IMPG2: variants seen among roughly 807,000 people sequenced by gnomAD.
IMPG2 encodes the protein interphotoreceptor matrix proteoglycan 2, also known as IPM 200.
A neutral mutation model predicts 129.2 loss-of-function variants in IMPG2; 91 were observed. That is an observed-to-expected ratio of 0.70 (90% CI 0.59 to 0.84). The LOEUF is 0.84. IMPG2 is among the 40% of genes least tolerant of loss of function. IMPG2 has a pLI of 0.00. For missense variants in IMPG2, 1,430 were observed against 1,461.7 expected, an observed-to-expected ratio of 0.98 and a Z score of 0.35; for synonymous variants, 510 against 517.7, an observed-to-expected ratio of 0.99 and a Z score of 0.20.
intron 16 of IMPG2, 97 bp from the exon 17 acceptor site, chr3:101,229,687 G>A: frequency 9.4e-7 from 1 of 1,062,308 alleles, no homozygotes; most frequent in Non-Finnish European, 1.4e-6. Flanking sequence ...AAGAAAAACA[G>A]GTGCACTTTA....
At position 101,306,690 on chromosome 3, in the gene IMPG2, T is replaced by TTTCCC. The variant is rs1170818686; in HGVS notation, c.335-2379_335-2378insGGGAA. 1.2e-3 allele frequency among the ~76,000 whole-genome samples: 188 copies of TTTCCC among 152,252 alleles called. 1 individual carries two copies. Among genetic ancestry groups the TTTCCC allele is most frequent in the Non-Finnish European group, 1.3e-3 (85 of 67,988 alleles). ...ACAATGTTTGAAAAAAATAACTATC[T>TTTCCC]ACCCATAGGGAAAGAAAAAATAAAT... On this transcript the variant is annotated intron_variant, in intron 2 of 18. Coordinates refer to ENST00000193391, the MANE Select transcript of IMPG2 (RefSeq NM_016247.4).
At chr3:101,252,681 G>A (rs1194995405) in intron 11 of IMPG2, among the ~76,000 whole-genome samples, 1 of 152,124 alleles carries the variant, frequency 6.6e-6, no homozygotes, top group Non-Finnish European at 1.5e-5. Flanking sequence ...AACCTATTTT[G>A]TCTAATATGT....
Position 101,232,823 on chromosome 3 carries a change from T to A in IMPG2, c.3191A>T (p.Asp1064Val), listed in dbSNP as rs1199092086. 1.9e-6 allele frequency: 3 copies of A among 1,613,638 alleles called. No homozygotes were observed. In the South Asian group the frequency reaches 3.3e-5, roughly 18 times the overall value. ...CCCAGGCATAATGTCACACTTTCCA[T>A]CATTCAAGCAGAAGTCAGGCTGTAG... ...CDLQPDFCLN[D>V]GKCDIMPGHG... is the part of the protein sequence containing the mutation. The change falls in exon 15 of 19, where the codon GAT (aspartate) becomes GTT (valine). Residue 1064 changes from aspartate (D) to valine (V), a missense_variant. By Grantham distance (152) the Asp-to-Val change is radical. Coordinates refer to ENST00000193391, the MANE Select transcript of IMPG2 (RefSeq NM_016247.4).
Position 101,291,659 on chromosome 3 carries a change from A to C in IMPG2, c.502-149T>G, listed in dbSNP as rs141693004. The C allele has an allele frequency of 2.2e-3, 1,461 of 673,340 alleles. 4 individuals carry two copies. Among genetic ancestry groups the C allele is most frequent in the Non-Finnish European group, 3.0e-3 (1,113 of 369,660 alleles). The allele number at this position is 673,340 out of a possible 1,614,324, so 41.7% of individuals were successfully genotyped here. A position where few individuals can be genotyped will look rare whatever the true frequency, so the allele number is the denominator to read the frequency against. ...GTTAGACAAGTGATTAAAACAGGTA[A>C]TAATGATACCAAGTTTGTTTTGTGA... On this transcript the variant is annotated intron_variant, in intron 3 of 18. Transcript: ENST00000193391.
Position 101,267,539 on chromosome 3 carries a change from C to T in IMPG2, c.888-8G>A. On this transcript the variant is annotated splice_polypyrimidine_tract_variant and splice_region_variant and intron_variant, in intron 8 of 18. Coordinates refer to ENST00000193391, the MANE Select transcript of IMPG2 (RefSeq NM_016247.4). ...TCATTTTCCTTGGGGGACCTGAAAA[C>T]AAAAATTAAAAATATTAAACAGAGT... is the stretch of plus-strand genomic sequence containing the variant. 1 of 1,607,630 alleles carries T rather than the reference C, an allele frequency of 6.2e-7. No individual in the cohort carries two copies. The highest frequency in any genetic ancestry group is 8.5e-7 in the Non-Finnish European group (1 of 1,174,466).
At chr3:101,232,614 TAA>T (rs1166697041) in intron 15 of IMPG2, among the ~76,000 whole-genome samples, 165 bp downstream of exon 15, 2 of 152,052 alleles carry the variant, frequency 1.3e-5, no homozygotes, top group African/African-American at 4.8e-5. Flanking sequence ...TCAGGCCTGT[TAA>T]ACAACTCATC....
At position 101,243,672 on chromosome 3, in the gene IMPG2, C is replaced by T; in HGVS notation, c.2659G>A (p.Gly887Arg). ...GTCTGGGTATAACTCAAGTCATCTC[C>T]TCCTTCTGTGGGCCAAGCCACACTA... is the stretch of plus-strand genomic sequence containing the variant. ...MVSVAWPTEG[G>R]DDLSYTQTSG... Residue 887 changes from glycine to arginine, a missense_variant, in exon 13 of 19, where the codon GGA becomes AGA. Coordinates refer to ENST00000193391, the MANE Select transcript of IMPG2 (RefSeq NM_016247.4). 6.2e-7 allele frequency: 1 copy of T among 1,614,094 alleles called. No individual in the cohort carries two copies. Among genetic ancestry groups the T allele is most frequent in the Non-Finnish European group, 8.5e-7 (1 of 1,179,992 alleles).
chr3:101,255,573 G>A (rs981330719), intron 10 of IMPG2, among the ~76,000 whole-genome samples: 21 of 152,020 alleles, frequency 1.4e-4, no homozygotes, highest in African/African-American at 5.1e-4. Flanking sequence ...GCTCAATGTA[G>A]GTTCTTAACT....
chr3:101,245,480 C>T (rs1706466164), intron 12 of IMPG2, among the ~76,000 whole-genome samples: 1 of 152,116 alleles, frequency 6.6e-6, no homozygotes, highest in African/African-American at 2.4e-5. Context: ...TTGTTTATTA[C>T]TCCAATATTT....
intron 3 of IMPG2, among the ~76,000 whole-genome samples, chr3:101,299,269 T>C (rs998238009): frequency 1.5e-4 from 23 of 152,236 alleles, no homozygotes; most frequent in African/African-American, 5.3e-4. Flanking sequence ...TCTCAACTTG[T>C]TATTCTAGTT....
In IMPG2 at chr3:101,257,224, C is replaced by T. The variant is rs999341385; in HGVS notation, c.1153+305G>A. On this transcript the variant is annotated intron_variant, in intron 10 of 18. Coordinates refer to ENST00000193391, the MANE Select transcript of IMPG2 (RefSeq NM_016247.4). The stretch of plus-strand genomic sequence containing the variant: ...TCGGTTGTCAGGGAAGTATTATAGC[C>T]TGTTTCAATGCACACTTCCAAGTAC... Among the ~76,000 whole-genome samples the T allele has an allele frequency of 3.3e-5, 5 of 152,168 alleles. No individual in the cohort carries two copies. The South Asian group carries it at 8.3e-4, about 25-fold the overall frequency.
chr3:101,261,206 C>T (rs1025107462), intron 9 of IMPG2, among the ~76,000 whole-genome samples: 2 of 151,978 alleles, frequency 1.3e-5, no homozygotes, highest in Admixed American at 6.6e-5. Flanking sequence ...GTTTCTTTTT[C>T]GGATTTTTGC....
intron 4 of IMPG2, among the ~76,000 whole-genome samples, chr3:101,287,754 ATAT>A (rs1706963292): frequency 6.6e-6 from 1 of 152,168 alleles, no homozygotes; most frequent in Non-Finnish European, 1.5e-5. Context: ...AATTGATTAA[ATAT>A]TTAAATGTAA....
chr3:101,238,729 T>C (rs1370106435), intron 14 of IMPG2, among the ~76,000 whole-genome samples: 1 of 152,036 alleles, frequency 6.6e-6, no homozygotes, highest in African/African-American at 2.4e-5. Flanking sequence ...GCACTAAATA[T>C]GGAAAGGAAA....
At chr3:101,267,715 T>C (rs1240539450) in intron 8 of IMPG2, among the ~76,000 whole-genome samples, 184 bp from the exon 9 acceptor site, 1 of 152,216 alleles carries the variant, frequency 6.6e-6, no homozygotes, top group Non-Finnish European at 1.5e-5. Context: ...AGCATTTTAT[T>C]TTAAAACCAT....
At chr3:101,241,177 A>G (rs1172000469) in intron 14 of IMPG2, among the ~76,000 whole-genome samples, 1 of 152,232 alleles carries the variant, frequency 6.6e-6, no homozygotes, top group African/African-American at 2.4e-5. Context: ...ATGCACATAA[A>G]TTAACATTAT....
intron 9 of IMPG2, among the ~76,000 whole-genome samples, chr3:101,262,913 CA>C (rs1706685345): frequency 6.6e-6 from 1 of 151,484 alleles, no homozygotes; most frequent in African/African-American, 2.4e-5. Context: ...CATGCTCAGA[CA>C]AAACAGACTT....
intron 2 of IMPG2, among the ~76,000 whole-genome samples, chr3:101,314,014 A>G (rs2058770302): frequency 6.6e-6 from 1 of 152,118 alleles, no homozygotes; most frequent in Admixed American, 6.6e-5. Flanking sequence ...ATCCTTATAA[A>G]TAAATCTGAT....
At chr3:101,297,475 C>A (rs1707092973) in intron 3 of IMPG2, among the ~76,000 whole-genome samples, 1 of 151,964 alleles carries the variant, frequency 6.6e-6, no homozygotes, top group Non-Finnish European at 1.5e-5. Flanking sequence ...CTCTCTGGCT[C>A]TTTAATTGCG....
Sources: gnomAD v4.1 joint callset for allele counts (sites outside exome capture counted in the v4.1 genomes callset) on GRCh38, gnomAD v4.1.1 for gene constraint, MANE v1.5 for transcripts, NCBI Gene and HGNC (gene_info 2026-07-23, HGNC 2026-07-21) for gene names.